The following RBFOX1 variants were observed in gnomAD, a reference collection of about 807,000 sequenced individuals.
The protein encoded by RBFOX1 is RNA binding fox-1 homolog 1, also known as RNA binding protein fox-1 homolog 1.
In RBFOX1, 8 loss-of-function variants were observed where a neutral mutation model predicts 57.7. That is an observed-to-expected ratio of 0.14 (90% CI 0.08 to 0.25). The LOEUF (loss-of-function observed/expected upper bound fraction) is 0.25, where lower values mean the gene tolerates loss of function less well. RBFOX1 is among the 10% of genes least tolerant of loss of function. The probability of loss-of-function intolerance (pLI) is 1.00; values close to 1 mark genes in which losing one functional copy is unlikely to be tolerated. For missense variants in RBFOX1, 611 were observed against 548.5 expected (o/e 1.11, Z -1.14); for synonymous variants, 326 against 222.4 (o/e 1.47, Z -4.15).
intron 1 of RBFOX1, among the ~76,000 whole-genome samples, chr16:6,156,506 C>T (rs1370373369): frequency 1.3e-5 from 2 of 152,218 alleles, no homozygotes; most frequent in Admixed American, 1.3e-4. Flanking sequence ...TTGATCTTCA[C>T]AGAGCTATAG....
chr16:6,943,725 A>AG (rs2078972746), intron 3 of RBFOX1, among the ~76,000 whole-genome samples: 1 of 151,844 alleles, frequency 6.6e-6, no homozygotes, highest in African/African-American at 2.4e-5. Context: ...AAAAAAAAAA[A>AG]AAGTATTCGC....
chr16:6,632,109 C>G (rs749794094), intron 2 of RBFOX1, among the ~76,000 whole-genome samples: 7 of 152,050 alleles, frequency 4.6e-5, no homozygotes, highest in Non-Finnish European at 1.0e-4. Context: ...CTGAGTCTGT[C>G]CCTTGTTAAT....
At chr16:7,109,377 G>A (rs1215912754) in intron 4 of RBFOX1, among the ~76,000 whole-genome samples, 1 of 152,014 alleles carries the variant, frequency 6.6e-6, no homozygotes, top group African/African-American at 2.4e-5. Flanking sequence ...TTTGACTACT[G>A]CCAATGAGAT....
chr16:6,411,643 A>G (rs2093461632), intron 2 of RBFOX1, among the ~76,000 whole-genome samples: 1 of 152,242 alleles, frequency 6.6e-6, no homozygotes, highest in African/African-American at 2.4e-5. Context: ...TTTATGAGTT[A>G]AAAGTGAGAA....
At chr16:7,682,737 C>G (rs1188340829) in intron 14 of RBFOX1, among the ~76,000 whole-genome samples, 1 of 151,276 alleles carries the variant, frequency 6.6e-6, no homozygotes, top group Non-Finnish European at 1.5e-5. Flanking sequence ...AGTTAGAACT[C>G]CAGGTTGAGC....
At chr16:5,249,571 G>C (rs796348905) in intron 1 of RBFOX1, among the ~76,000 whole-genome samples, 24 of 152,314 alleles carry the variant, frequency 1.6e-4, no homozygotes, top group African/African-American at 5.1e-4. Flanking sequence ...TTGGACTCTT[G>C]GAATTGGGCC....
chr16:7,433,247 C>T (rs2098696327), intron 4 of RBFOX1, among the ~76,000 whole-genome samples: 1 of 152,164 alleles, frequency 6.6e-6, no homozygotes. Flanking sequence ...CTAGTAAAAA[C>T]ACATAGTGGG....
intron 4 of RBFOX1, among the ~76,000 whole-genome samples, chr16:7,107,634 CCCCTTCCA>C (rs2063843887): frequency 6.6e-6 from 1 of 152,074 alleles, no homozygotes; most frequent in Non-Finnish European, 1.5e-5. Context: ...TTCCGCTCCT[CCCCTTCCA>C]CCCTCCCCAA....
chr16:5,526,405 C>A (rs1397942097), intron 2 of RBFOX1, among the ~76,000 whole-genome samples: 2 of 152,154 alleles, frequency 1.3e-5, no homozygotes, highest in African/African-American at 4.8e-5. Context: ...TCTCATGCTT[C>A]AGCCTCCCAA....
intron 2 of RBFOX1, among the ~76,000 whole-genome samples, chr16:5,582,188 A>G (rs538828049): frequency 6.6e-6 from 1 of 152,186 alleles, no homozygotes; most frequent in Admixed American, 6.5e-5. Context: ...CCTCACTCCC[A>G]TGAGGTTGCA....
intron 5 of RBFOX1, among the ~76,000 whole-genome samples, chr16:7,557,113 A>G (rs1022404155): frequency 2.0e-5 from 3 of 152,116 alleles, no homozygotes; most frequent in African/African-American, 7.2e-5. Context: ...AGTATTATAA[A>G]CCCATTTTAC....
chr16:6,970,618 C>T (rs539475446), intron 3 of RBFOX1, among the ~76,000 whole-genome samples: 2 of 152,198 alleles, frequency 1.3e-5, no homozygotes. Context: ...TCCCTCCTGC[C>T]TCTTTTGGAA....
intron 1 of RBFOX1, among the ~76,000 whole-genome samples, chr16:6,250,758 C>T (rs1044195409): frequency 6.6e-6 from 1 of 152,080 alleles, no homozygotes; most frequent in African/African-American, 2.4e-5. Context: ...TTGAATCAGG[C>T]CTGTCTTGTG....
intron 14 of RBFOX1, among the ~76,000 whole-genome samples, chr16:7,696,329 C>T (rs999381060): frequency 1.1e-4 from 16 of 152,104 alleles, no homozygotes; most frequent in African/African-American, 3.9e-4. Flanking sequence ...CTGAGTAGGT[C>T]CTCATTCAGT....
intron 1 of RBFOX1, among the ~76,000 whole-genome samples, chr16:6,056,321 T>C (rs1199119810): frequency 6.6e-6 from 1 of 152,198 alleles, no homozygotes; most frequent in Non-Finnish European, 1.5e-5. Context: ...GGTTTTGGAA[T>C]CTGGTAAGCA....
At chr16:6,826,934 A>G (rs550220402) in intron 3 of RBFOX1, among the ~76,000 whole-genome samples, 2 of 152,320 alleles carry the variant, frequency 1.3e-5, no homozygotes, top group African/African-American at 4.8e-5. Context: ...TTTTTTGTGC[A>G]AATGGAAGAA....
At chr16:6,734,119 G>A (rs1472032583) in intron 3 of RBFOX1, among the ~76,000 whole-genome samples, 4 of 152,086 alleles carry the variant, frequency 2.6e-5, no homozygotes, top group Admixed American at 2.0e-4. Flanking sequence ...ATTGCACAGG[G>A]ATCCGCCAGA....
chr16:6,831,095 A>G (rs1304427717), intron 3 of RBFOX1, among the ~76,000 whole-genome samples: 2 of 152,232 alleles, frequency 1.3e-5, no homozygotes, highest in Non-Finnish European at 2.9e-5. Flanking sequence ...AAAGCTGGAT[A>G]GATTCATACT....
intron 4 of RBFOX1, among the ~76,000 whole-genome samples, chr16:7,276,531 T>C (rs183247836): frequency 8.5e-5 from 13 of 152,254 alleles, no homozygotes; most frequent in African/African-American, 3.1e-4. Context: ...GAAATCTAAG[T>C]AGGAGGCTTC....
Sources: gnomAD v4.1 joint callset for allele counts (sites outside exome capture counted in the v4.1 genomes callset) on GRCh38, gnomAD v4.1.1 for gene constraint, MANE v1.5 for transcripts, NCBI Gene and HGNC (gene_info 2026-07-23, HGNC 2026-07-21) for gene names.